Variants in GAREM2 observed in about 807,000 individuals in gnomAD.
The protein encoded by GAREM2 is GRB2 associated regulator of MAPK1 subtype 2, also known as GRB2-associated and regulator of MAPK protein 2.
In GAREM2, 30 loss-of-function variants were observed where a neutral mutation model predicts 55.6. That is an observed-to-expected ratio of 0.54 (90% CI 0.40 to 0.73). GAREM2 has a LOEUF of 0.73. GAREM2 is among the 30% of genes least tolerant of loss of function. The probability of loss-of-function intolerance (pLI) is 0.00; values close to 1 mark genes in which losing one functional copy is unlikely to be tolerated. For synonymous variants in GAREM2, 550 were observed against 569.1 expected (o/e 0.97, Z 0.48); for missense variants, 1,075 against 1,257.7 (o/e 0.85, Z 2.20).
At position 26,184,427 on chromosome 2, in the gene GAREM2, G is replaced by A. The variant is rs1426548871; in HGVS notation, c.579G>A (p.Ala193=). ...ALAGVGGGGP[A]SAGAAGGTGG... ...CCGGGGTGGGCGGCGGCGGCCCAGC[G>A]AGCGCGGGGGCCGCGGGAGGCACTG... Residue 193 remains alanine, a synonymous_variant, in exon 4 of 6, where the codon GCG becomes GCA. Transcript: ENST00000401533. The A allele has an allele frequency of 3.1e-5, 46 of 1,463,592 alleles. No homozygotes were observed. Among genetic ancestry groups the A allele is most frequent in the Middle Eastern group, 1.8e-4 (1 of 5,570 alleles). The allele number at this position is 1,463,592 out of a possible 1,614,324, so 90.7% of individuals were successfully genotyped here.
chr2:26,185,161 C>T lies in GAREM2; in HGVS notation c.1313C>T (p.Pro438Leu), dbSNP rs757655800. ...GAGGAGTTGTGGGCGCACCAGGGGC[C>T]CGAGGGCCTCGTCCGGCCGCCCCCA... ...PYEELWAHQG[P>L]EGLVRPPPGL... Residue 438 changes from proline (P) to leucine (L), a missense_variant, in exon 4 of 6, where the codon CCC (proline) becomes CTC (leucine). Around this residue, in one of 6 missense-constraint regions of GAREM2, gnomAD observed 515 missense variants for 501.5 expected, o/e 1.03. Transcript: ENST00000401533. 2 of 1,505,828 alleles carry T rather than the reference C, an allele frequency of 1.3e-6. No homozygotes were observed. Among genetic ancestry groups the T allele is most frequent in the Non-Finnish European group, 8.8e-7 (1 of 1,134,650 alleles). The allele number at this position is 1,505,828 out of a possible 1,614,324, so 93.3% of individuals were successfully genotyped here. A position where few individuals can be genotyped will look rare whatever the true frequency, so the allele number is the denominator to read the frequency against.
At position 26,184,993 on chromosome 2, in the gene GAREM2, T is replaced by G. The variant is rs1187906751; in HGVS notation, c.1145T>G (p.Leu382Arg). 8.8e-7 allele frequency: 1 copy of G among 1,134,842 alleles called. No homozygotes were observed. The highest frequency in any genetic ancestry group is 4.9e-5 in the Admixed American group (1 of 20,258). The allele number at this position is 1,134,842 out of a possible 1,614,324, so 70.3% of individuals were successfully genotyped here. The change falls in exon 4 of 6, where the codon CTG becomes CGG. Residue 382 changes from leucine to arginine, a missense_variant. By Grantham distance (102) the Leu-to-Arg change is moderately radical. Coordinates refer to ENST00000401533, the MANE Select transcript of GAREM2 (RefSeq NM_001168241.2). ...AGCCCGCGCCGCGCGCGCCTCTGCC[T>G]GCCCGCGCCGCGCGCCCCCGGGCTC... ...CASPRRARLCLPAPRAPGLAR... is the reference protein window; with the variant it reads ...CASPRRARLCRPAPRAPGLAR...
chr2:26,185,823 C>A (rs1669234239), intron 4 of GAREM2, among the ~76,000 whole-genome samples: 1 of 152,320 alleles, frequency 6.6e-6, no homozygotes, highest in South Asian at 2.1e-4. Flanking sequence ...CAGACGCTTC[C>A]TTCCCTCTGT....
chr2:26,199,528 C>G, the GAREM2 span, among the ~76,000 whole-genome samples: 4 of 152,274 alleles, frequency 2.6e-5, no homozygotes, highest in East Asian at 7.7e-4. Flanking sequence ...AGCTGGCTGG[C>G]AAACATTCTT....
At chr2:26,190,234 A>G (rs2147747517), downstream of GAREM2, among the ~76,000 whole-genome samples, 1 of 152,342 alleles carries the variant, frequency 6.6e-6, no homozygotes, top group Admixed American at 6.5e-5. Context: ...GTAACTGGTA[A>G]TATCTGACAA....
chr2:26,194,581 G>A (rs137852771), downstream of GAREM2: 33 of 1,605,776 alleles, frequency 2.1e-5, no homozygotes, highest in Non-Finnish European at 2.7e-5. Flanking sequence ...TGGAGGATTC[G>A]GATGACTTCA....
At chr2:26,196,481 A>T in the GAREM2 span, among the ~76,000 whole-genome samples, 4 of 152,166 alleles carry the variant, frequency 2.6e-5, no homozygotes, top group African/African-American at 9.7e-5. Context: ...ACATCCATAT[A>T]ATCACTAACC....
chr2:26,191,667 A>G (rs1669509691), downstream of GAREM2: 1 of 1,605,608 alleles, frequency 6.2e-7, no homozygotes, highest in Admixed American at 1.7e-5. Flanking sequence ...AAGAAGAGGA[A>G]AAGGGGAGGA....
chr2:26,197,594 C>T, the GAREM2 span: 33 of 767,606 alleles, frequency 4.3e-5, no homozygotes, highest in East Asian at 5.4e-4. Context: ...GCATCCACTC[C>T]GTAATCCACT....
At chr2:26,202,700 C>T in the GAREM2 span, among the ~76,000 whole-genome samples, 2 of 152,314 alleles carry the variant, frequency 1.3e-5, no homozygotes, top group Non-Finnish European at 2.9e-5. Flanking sequence ...AAGATTGCAC[C>T]ATTGTGCTCT....
chr2:26,185,327 C>A, intron 4 of GAREM2, 51 bp downstream of exon 4: 1 of 1,452,518 alleles, frequency 6.9e-7, no homozygotes, highest in Admixed American at 2.5e-5. Flanking sequence ...GGGCCCAAAG[C>A]CCGTTCTCCT....
the GAREM2 span, among the ~76,000 whole-genome samples, chr2:26,202,913 C>T: frequency 6.6e-6 from 1 of 152,214 alleles, no homozygotes; most frequent in African/African-American, 2.4e-5. Flanking sequence ...GAACTATTGT[C>T]CCAAGTCAGC....
downstream of GAREM2, chr2:26,194,440 A>G (rs878877669): frequency 1.4e-6 from 1 of 733,212 alleles, no homozygotes; most frequent in South Asian, 1.5e-5. Context: ...AGAGGGCACC[A>G]GGGACCTTCC....
the GAREM2 span, among the ~76,000 whole-genome samples, chr2:26,202,314 G>A: frequency 2.0e-5 from 3 of 152,104 alleles, no homozygotes; most frequent in Non-Finnish European, 4.4e-5. Flanking sequence ...CTTAGATTCC[G>A]TCTGACCACA....
Position 26,185,286 on chromosome 2 carries a change from C to G in GAREM2, c.1428+10C>G. 6.7e-7 allele frequency: 1 copy of G among 1,500,666 alleles called. No homozygotes were observed. 93.0% of individuals were successfully genotyped at this position (1,500,666 alleles called of 1,614,324 possible). ...TCCCAAATCCGAGGCGGTGAGTGAG[C>G]GCGCTGGGGGCCGAGTCCCGGGTCC... On this transcript the variant is annotated intron_variant, in intron 4 of 5. Coordinates refer to ENST00000401533, the MANE Select transcript of GAREM2 (RefSeq NM_001168241.2).
the GAREM2 span, among the ~76,000 whole-genome samples, chr2:26,198,876 C>T: frequency 2.6e-5 from 4 of 151,678 alleles, no homozygotes; most frequent in African/African-American, 7.3e-5. Flanking sequence ...ATAGTGAGAC[C>T]CTATATCTAC....
intron 2 of GAREM2, chr2:26,182,367 T>C: frequency 6.5e-7 from 1 of 1,533,732 alleles, no homozygotes; most frequent in Non-Finnish European, 8.8e-7. Context: ...GGGCAGGGTG[T>C]GGGAACAGAG....
At chr2:26,196,113 C>A in the GAREM2 span, among the ~76,000 whole-genome samples, 2 of 152,292 alleles carry the variant, frequency 1.3e-5, no homozygotes, top group African/African-American at 4.8e-5. Context: ...TACATTTAAT[C>A]CATTACAACC....
In GAREM2 at chr2:26,187,576, T is replaced by G. The variant is rs1333092193; in HGVS notation, c.1944T>G (p.Ser648=). Residue 648 remains serine (S), a synonymous_variant, in exon 6 of 6, where the codon TCT becomes TCG. Transcript: ENST00000401533. ...YPSGPSAALS[S]GPRTTSGPVA... is the part of the protein sequence containing the mutation. ...CAGGCCCTTCAGCGGCCTTGTCTTC[T>G]GGGCCCAGAACCACCTCGGGTCCTG... 6.5e-7 allele frequency: 1 copy of G among 1,547,162 alleles called. No homozygotes were observed. The highest frequency in any genetic ancestry group is 2.0e-5 in the Admixed American group (1 of 50,222).
Sources: gnomAD v4.1 joint callset for allele counts (sites outside exome capture counted in the v4.1 genomes callset) on GRCh38, gnomAD v4.1.1 for gene constraint, gnomAD v4.1.1 regional missense constraint, MANE v1.5 for transcripts, NCBI Gene and HGNC (gene_info 2026-07-23, HGNC 2026-07-21) for gene names.